The following MATCAP2 variants were observed in gnomAD, a reference collection of about 807,000 sequenced individuals.
MATCAP2 encodes microtubule associated tyrosine carboxypeptidase 2.
chr7:36,383,383 G>A, the MATCAP2 span, among the ~76,000 whole-genome samples: 37 of 152,202 alleles, frequency 2.4e-4, no homozygotes, highest in African/African-American at 8.7e-4. Flanking sequence ...CTGCGGCACT[G>A]TTCACAATAG....
At chr7:36,368,503 C>G in the MATCAP2 span, 1 of 152,234 alleles carries the variant, frequency 6.6e-6, no homozygotes, top group Non-Finnish European at 1.5e-5. Context: ...CATCCAGAAT[C>G]TAGCCACTTG....
chr7:36,367,163 A>C, the MATCAP2 span: 1 of 1,209,604 alleles, frequency 8.3e-7, no homozygotes, highest in Non-Finnish European at 1.0e-6. Context: ...TGGAAGGTAC[A>C]CACGGCGGCC....
At chr7:36,347,854 C>A in the MATCAP2 span, among the ~76,000 whole-genome samples, 3 of 152,140 alleles carry the variant, frequency 2.0e-5, no homozygotes, top group East Asian at 1.9e-4. Flanking sequence ...AACTTCCCCC[C>A]CAAACAGAAT....
chr7:36,355,784 C>T, the MATCAP2 span: 1 of 151,960 alleles, frequency 6.6e-6, no homozygotes, highest in African/African-American at 2.4e-5. Flanking sequence ...CAAGTTGAAG[C>T]TAATATATTA....
At chr7:36,325,095 C>T in the MATCAP2 span, 1 of 152,162 alleles carries the variant, frequency 6.6e-6, no homozygotes, top group Non-Finnish European at 1.5e-5. Flanking sequence ...AATTAGAAAA[C>T]ACTACACAAT....
chr7:36,366,866 C>T, the MATCAP2 span: 6 of 1,490,380 alleles, frequency 4.0e-6, no homozygotes, highest in East Asian at 1.6e-4. Flanking sequence ...GGCGGCGGGA[C>T]CCCGGTCCGC....
chr7:36,383,376 C>A, the MATCAP2 span, among the ~76,000 whole-genome samples: 1 of 152,084 alleles, frequency 6.6e-6, no homozygotes, highest in Non-Finnish European at 1.5e-5. Context: ...ATGTTTACTG[C>A]GGCACTGTTC....
the MATCAP2 span, among the ~76,000 whole-genome samples, chr7:36,337,503 A>G: frequency 6.6e-6 from 1 of 152,204 alleles, no homozygotes; most frequent in Non-Finnish European, 1.5e-5. Context: ...TAGGGAATTC[A>G]TATACATGTC....
At chr7:36,378,192 A>T in the MATCAP2 span, among the ~76,000 whole-genome samples, 1 of 152,176 alleles carries the variant, frequency 6.6e-6, no homozygotes, top group African/African-American at 2.4e-5. Context: ...TCTGGTTTTT[A>T]AAATGTTCAG....
the MATCAP2 span, among the ~76,000 whole-genome samples, chr7:36,382,634 A>G: frequency 6.6e-6 from 1 of 152,144 alleles, no homozygotes; most frequent in Non-Finnish European, 1.5e-5. Flanking sequence ...CTGGGACTAC[A>G]GGTGCCTGCC....
chr7:36,348,584 C>G, the MATCAP2 span, among the ~76,000 whole-genome samples: 1 of 152,202 alleles, frequency 6.6e-6, no homozygotes, highest in Non-Finnish European at 1.5e-5. Flanking sequence ...ATTCATTTAT[C>G]TAGCTATTCC....
the MATCAP2 span, among the ~76,000 whole-genome samples, chr7:36,333,421 A>G: frequency 6.6e-6 from 1 of 152,214 alleles, no homozygotes. Context: ...TAATGAAAAC[A>G]TTCTGGAATT....
At chr7:36,354,071 C>A in the MATCAP2 span, among the ~76,000 whole-genome samples, 1 of 152,188 alleles carries the variant, frequency 6.6e-6, no homozygotes, top group Admixed American at 6.5e-5. Flanking sequence ...TCCAAAGCCA[C>A]AGAAAACAGA....
the MATCAP2 span, among the ~76,000 whole-genome samples, chr7:36,354,605 A>G: frequency 1.3e-5 from 2 of 152,190 alleles, no homozygotes. Flanking sequence ...TGCTTTATCT[A>G]AGGAGGAGAT....
chr7:36,349,301 A>G, the MATCAP2 span, among the ~76,000 whole-genome samples: 1 of 152,270 alleles, frequency 6.6e-6, no homozygotes. Flanking sequence ...CGTGAACTGC[A>G]GACTAGGACC....
the MATCAP2 span, among the ~76,000 whole-genome samples, chr7:36,354,772 A>G: frequency 2.6e-5 from 4 of 152,244 alleles, no homozygotes; most frequent in Non-Finnish European, 4.4e-5. Context: ...TGGCATTTGC[A>G]GTACAAGTCA....
At chr7:36,341,089 T>A in the MATCAP2 span, among the ~76,000 whole-genome samples, 2 of 152,268 alleles carry the variant, frequency 1.3e-5, no homozygotes, top group Non-Finnish European at 2.9e-5. Flanking sequence ...TGATCAGAAG[T>A]AAAAAGTTAT....
chr7:36,364,671 C>A, the MATCAP2 span, among the ~76,000 whole-genome samples: 3 of 152,136 alleles, frequency 2.0e-5, no homozygotes, highest in Admixed American at 6.5e-5. Context: ...ACATGGCCAT[C>A]TCAGATATCA....
the MATCAP2 span, among the ~76,000 whole-genome samples, chr7:36,364,569 A>G: frequency 1.3e-5 from 2 of 152,206 alleles, no homozygotes; most frequent in Non-Finnish European, 2.9e-5. Flanking sequence ...AGTCTGTTCT[A>G]TATTTGTAAC....
Sources: allele counts gnomAD v4.1 joint callset (sites outside exome capture counted in the v4.1 genomes callset), GRCh38; gene constraint gnomAD v4.1.1; transcripts MANE v1.5; gene names NCBI Gene and HGNC (gene_info 2026-07-23, HGNC 2026-07-21).